Variants in POU3F3 observed in about 807,000 individuals in gnomAD.
POU3F3 encodes the protein POU class 3 homeobox 3.
In POU3F3, 1 loss-of-function variant was observed where a neutral mutation model predicts 8.6. That is an observed-to-expected ratio of 0.12 (90% CI 0.04 to 0.55). The LOEUF is 0.55. Ranked by LOEUF, POU3F3 falls within the 20% of genes least tolerant of loss-of-function variation. The pLI is 0.91. For synonymous variants in POU3F3, 418 were observed against 327.4 expected, an observed-to-expected ratio of 1.28 and a Z score of -2.99; for missense variants, 577 against 690.7, an observed-to-expected ratio of 0.84 and a Z score of 1.84.
At chr2:104,898,716 T>A in the POU3F3 span, among the ~76,000 whole-genome samples, 7 of 152,210 alleles carry the variant, frequency 4.6e-5, no homozygotes, top group East Asian at 1.2e-3. Flanking sequence ...TTTTGAATAT[T>A]TTCCTTAGAT....
chr2:104,889,215 T>C, the POU3F3 span, among the ~76,000 whole-genome samples: 2 of 152,170 alleles, frequency 1.3e-5, no homozygotes, highest in African/African-American at 4.8e-5. Flanking sequence ...AAGAGCCGGG[T>C]CCTTGACACA....
chr2:104,870,476 T>G, the POU3F3 span, among the ~76,000 whole-genome samples: 1 of 152,190 alleles, frequency 6.6e-6, no homozygotes, highest in African/African-American at 2.4e-5. Context: ...CAGAACCAGA[T>G]GCTGCTGCTG....
chr2:104,862,540 C>T (rs1193558380), downstream of POU3F3, among the ~76,000 whole-genome samples: 1 of 151,710 alleles, frequency 6.6e-6, no homozygotes, highest in Non-Finnish European at 1.5e-5. Flanking sequence ...TCGCTTCTCT[C>T]CGGGAGGGAG....
At chr2:104,924,744 C>G in the POU3F3 span, among the ~76,000 whole-genome samples, 1 of 152,116 alleles carries the variant, frequency 6.6e-6, no homozygotes, top group Non-Finnish European at 1.5e-5. Flanking sequence ...TATTCTTTGT[C>G]TGAAATCTTG....
downstream of POU3F3, among the ~76,000 whole-genome samples, chr2:104,858,768 C>T (rs1015688418): frequency 3.3e-5 from 5 of 152,310 alleles, no homozygotes; most frequent in South Asian, 4.1e-4. Flanking sequence ...AGTCACTCCT[C>T]GATAATCCAT....
At chr2:104,872,218 T>A in the POU3F3 span, 1 of 456,490 alleles carries the variant, frequency 2.2e-6, no homozygotes, top group South Asian at 1.5e-5. This position sits in a 1 kb window ranked among gnomAD's most constrained non-coding sequence, Gnocchi z 4.6. Flanking sequence ...CTGCTCCTCC[T>A]GTCCGCTCCC....
At chr2:104,890,152 G>C in the POU3F3 span, among the ~76,000 whole-genome samples, 16 of 152,152 alleles carry the variant, frequency 1.1e-4, no homozygotes, top group Non-Finnish European at 2.4e-4. Context: ...ACCAGCGTGC[G>C]CACTGGGAGG....
At chr2:104,892,779 A>T in the POU3F3 span, among the ~76,000 whole-genome samples, 1 of 151,646 alleles carries the variant, frequency 6.6e-6, no homozygotes, top group Non-Finnish European at 1.5e-5. Context: ...AACTGCCTGG[A>T]TCGAAACTCC....
chr2:104,901,174 T>A, the POU3F3 span, among the ~76,000 whole-genome samples: 1 of 152,216 alleles, frequency 6.6e-6, no homozygotes, highest in South Asian at 2.1e-4. Context: ...ATTCAATCAC[T>A]GCCCTGTGCC....
chr2:104,905,363 C>T, the POU3F3 span, among the ~76,000 whole-genome samples: 5 of 152,056 alleles, frequency 3.3e-5, no homozygotes, highest in African/African-American at 1.2e-4. Flanking sequence ...AGTGGAAGTC[C>T]CTTTATTCTT....
chr2:104,881,843 G>A, the POU3F3 span, among the ~76,000 whole-genome samples: 4 of 152,118 alleles, frequency 2.6e-5, no homozygotes, highest in Admixed American at 2.0e-4. Flanking sequence ...ACTCTCCCTC[G>A]GCCTCAGACA....
chr2:104,877,191 C>G, the POU3F3 span, among the ~76,000 whole-genome samples: 1 of 152,134 alleles, frequency 6.6e-6, no homozygotes, highest in Admixed American at 6.5e-5. Flanking sequence ...CTTTGTAGTG[C>G]TTGGATCCAA....
the POU3F3 span, among the ~76,000 whole-genome samples, chr2:104,914,872 C>A: frequency 1.3e-5 from 2 of 152,164 alleles, no homozygotes; most frequent in African/African-American, 4.8e-5. Flanking sequence ...TCCCTGAGAC[C>A]GTGGTAAAAG....
At chr2:104,923,941 T>A in the POU3F3 span, among the ~76,000 whole-genome samples, 2 of 152,080 alleles carry the variant, frequency 1.3e-5, no homozygotes, top group African/African-American at 2.4e-5. Context: ...GTGCATAGAG[T>A]AGTCAAATTC....
chr2:104,858,466 C>T lies in POU3F3; in HGVS notation c.*1453C>T, dbSNP rs772999840. Reference sequence around the variant, plus strand: ...AATCAAAATGAAATGAAAATATGGACAGTTGTTAGGTAATAAGGGTATCTT... The same window carrying T: ...AATCAAAATGAAATGAAAATATGGATAGTTGTTAGGTAATAAGGGTATCTT... On this transcript the variant is annotated 3_prime_UTR_variant, in exon 1 of 1. Transcript: ENST00000361360. 2 of 151,792 alleles carry T rather than the reference C, an allele frequency of 1.3e-5. No individual in the cohort carries two copies. Among genetic ancestry groups the T allele is most frequent in the Non-Finnish European group, 2.9e-5 (2 of 68,010 alleles). The allele number at this position is 151,792 out of a possible 1,614,324, so 9.4% of individuals were successfully genotyped here. A position where few individuals can be genotyped will look rare whatever the true frequency, so the allele number is the denominator to read the frequency against.
At chr2:104,891,590 C>G in the POU3F3 span, among the ~76,000 whole-genome samples, 3 of 152,150 alleles carry the variant, frequency 2.0e-5, no homozygotes, top group Non-Finnish European at 4.4e-5. Flanking sequence ...CAACTAAATC[C>G]TGAAGAGGGG....
At chr2:104,906,340 G>A in the POU3F3 span, among the ~76,000 whole-genome samples, 4,969 of 152,150 alleles carry the variant, frequency 0.033, 269 homozygotes, top group African/African-American at 0.11. Flanking sequence ...TCAGTAGCTG[G>A]GTTTATTTCT....
the POU3F3 span, among the ~76,000 whole-genome samples, chr2:104,926,396 C>A: frequency 6.6e-6 from 1 of 152,032 alleles, no homozygotes; most frequent in African/African-American, 2.4e-5. Flanking sequence ...AAATCAAAAC[C>A]ACAATGAGAT....
rs1360019798 is a variant in POU3F3 at position 104,857,505 on chromosome 2, C to A, written c.*492C>A. Reference sequence around the variant, plus strand: ...CCTACACGGCAGCGGTGGACAGCACCTGCCTCGTCTTCTCCTCTTTGAAAA... The same window carrying A: ...CCTACACGGCAGCGGTGGACAGCACATGCCTCGTCTTCTCCTCTTTGAAAA... On this transcript the variant is annotated 3_prime_UTR_variant, in exon 1 of 1. Coordinates refer to ENST00000361360, the MANE Select transcript of POU3F3 (RefSeq NM_006236.3). The A allele has an allele frequency of 6.5e-6, 1 of 153,688 alleles. No homozygotes were observed. Among genetic ancestry groups the A allele is most frequent in the Non-Finnish European group, 1.5e-5 (1 of 68,028 alleles). The allele number at this position is 153,688 out of a possible 1,614,324, so 9.5% of individuals were successfully genotyped here. A position where few individuals can be genotyped will look rare whatever the true frequency, so the allele number is the denominator to read the frequency against.
Sources: allele counts gnomAD v4.1 joint callset (sites outside exome capture counted in the v4.1 genomes callset), GRCh38; gene constraint gnomAD v4.1.1; non-coding constraint Gnocchi (gnomAD v3.1); transcripts MANE v1.5; gene names NCBI Gene and HGNC (gene_info 2026-07-23, HGNC 2026-07-21).